SYT16: variants seen among roughly 807,000 people sequenced by gnomAD.
SYT16 encodes the protein synaptotagmin-16.
SYT16 carries 42 observed loss-of-function variants against 61.4 expected under a neutral mutation model. The ratio of observed to expected loss-of-function variants is 0.68; its 90% CI spans 0.53 to 0.89. The LOEUF (loss-of-function observed/expected upper bound fraction) is 0.89, where lower values mean the gene tolerates loss of function less well. Among genes scored for constraint, SYT16 ranks in the 40% least tolerant of loss-of-function variants. The pLI, the probability that SYT16 is intolerant of heterozygous loss-of-function variation, is 0.00. For missense variants in SYT16, 804 were observed against 807.3 expected, an observed-to-expected ratio of 1.00 and a Z score of 0.05; for synonymous variants, 314 against 302.3, an observed-to-expected ratio of 1.04 and a Z score of -0.40.
chr14:62,002,912 A>G (rs2053077271), intron 3 of SYT16, among the ~76,000 whole-genome samples: 1 of 152,120 alleles, frequency 6.6e-6, no homozygotes, highest in African/African-American at 2.4e-5. Flanking sequence ...TATCCTTCAC[A>G]TGACAGCAGC....
chr14:61,971,444 A>T (rs1203284799), intron 2 of SYT16, among the ~76,000 whole-genome samples: 4 of 152,174 alleles, frequency 2.6e-5, no homozygotes, highest in Non-Finnish European at 5.9e-5. Flanking sequence ...AAGGCCTCAG[A>T]TCAGATCCAT....
chr14:62,104,437 C>A lies in SYT16; in HGVS notation c.*3730C>A, dbSNP rs1330828413. 6.6e-6 allele frequency: 1 copy of A among 152,070 alleles called. No individual in the cohort carries two copies. Among genetic ancestry groups the A allele is most frequent in the Non-Finnish European group, 1.5e-5 (1 of 67,992 alleles). 9.4% of individuals were successfully genotyped at this position (152,070 alleles called of 1,614,324 possible). On this transcript the variant is annotated 3_prime_UTR_variant, in exon 8 of 8. Coordinates refer to ENST00000683842, the MANE Select transcript of SYT16 (RefSeq NM_001367656.1). ...CCTGAAATGGTAAAAGTATTTTTGTCTTAAAAATTATTCATTTGGGCAAAG... is the reference window on the plus strand; with the variant it reads ...CCTGAAATGGTAAAAGTATTTTTGTATTAAAAATTATTCATTTGGGCAAAG...
intron 2 of SYT16, among the ~76,000 whole-genome samples, chr14:61,985,704 C>G (rs2052278099): frequency 6.6e-6 from 1 of 152,152 alleles, no homozygotes; most frequent in Non-Finnish European, 1.5e-5. Flanking sequence ...TTTATAAAAA[C>G]TATCCCTAGA....
intron 1 of SYT16, among the ~76,000 whole-genome samples, chr14:61,835,250 ATTTTTTTTT>A (rs11378872): frequency 0.13 from 14,051 of 110,920 alleles, 706 homozygotes; most frequent in Middle Eastern, 0.14. Context: ...TGAAAGGTGA[ATTTTTTTTT>A]TTTTTTTTTT....
intron 3 of SYT16, among the ~76,000 whole-genome samples, chr14:61,998,451 T>C (rs2140640769): frequency 6.6e-6 from 1 of 152,150 alleles, no homozygotes; most frequent in South Asian, 2.1e-4. Flanking sequence ...ACACAGTTTG[T>C]CGTCTTTTGA....
At chr14:62,049,930 G>T (rs1456104663) in intron 3 of SYT16, among the ~76,000 whole-genome samples, 1 of 152,174 alleles carries the variant, frequency 6.6e-6, no homozygotes, top group East Asian at 1.9e-4. Context: ...CAACTTTGGT[G>T]AATCAGACAA....
At chr14:61,910,514 C>T (rs182623440) in intron 1 of SYT16, among the ~76,000 whole-genome samples, 11 of 141,242 alleles carry the variant, frequency 7.8e-5, no homozygotes, top group South Asian at 7.7e-4. Flanking sequence ...ACTGAGCCGC[C>T]GCATCCCGCT....
intron 3 of SYT16, among the ~76,000 whole-genome samples, chr14:62,031,135 G>A (rs1474432293): frequency 6.6e-6 from 1 of 152,176 alleles, no homozygotes; most frequent in Non-Finnish European, 1.5e-5. Context: ...TTGCTTTAAA[G>A]TCTCTTTGAA....
chr14:62,012,297 C>A (rs1390155000), intron 3 of SYT16, among the ~76,000 whole-genome samples: 2 of 152,028 alleles, frequency 1.3e-5, no homozygotes, highest in Non-Finnish European at 1.5e-5. Flanking sequence ...GAATTGATTT[C>A]TTTGTAGTTA....
At position 62,100,994 on chromosome 14, in the gene SYT16, A is replaced by G. The variant is rs1378402915; in HGVS notation, c.*287A>G. ...CCAATAGATCATTGAGTTTTAGTTCAGGGTATGGGGTGAAGCTTCTTCTGC... is the reference window on the plus strand; with the variant it reads ...CCAATAGATCATTGAGTTTTAGTTCGGGGTATGGGGTGAAGCTTCTTCTGC... On this transcript the variant is annotated 3_prime_UTR_variant, in exon 8 of 8. Transcript: ENST00000683842. 6.4e-6 allele frequency: 2 copies of G among 310,774 alleles called. No homozygotes were observed. The highest frequency in any genetic ancestry group is 1.2e-5 in the Non-Finnish European group (2 of 167,670). The allele number at this position is 310,774 out of a possible 1,614,324, so 19.3% of individuals were successfully genotyped here.
chr14:62,022,547 G>A (rs2053950707), intron 3 of SYT16, among the ~76,000 whole-genome samples: 1 of 151,852 alleles, frequency 6.6e-6, no homozygotes, highest in African/African-American at 2.4e-5. Context: ...TCATTTTGGA[G>A]AATTTTTGGC....
At chr14:61,852,084 T>A (rs1406941258) in intron 1 of SYT16, among the ~76,000 whole-genome samples, 1 of 152,240 alleles carries the variant, frequency 6.6e-6, no homozygotes, top group Admixed American at 6.5e-5. Flanking sequence ...TATCTTGAGT[T>A]AATTTTTGTC....
At chr14:62,095,459 A>G (rs568301403) in intron 7 of SYT16, among the ~76,000 whole-genome samples, 1 of 152,118 alleles carries the variant, frequency 6.6e-6, no homozygotes, top group East Asian at 1.9e-4. Flanking sequence ...ATCAGCAACA[A>G]TCAGAAAGTG....
chr14:61,840,810 C>T (rs1205552604), intron 1 of SYT16, among the ~76,000 whole-genome samples: 1 of 151,980 alleles, frequency 6.6e-6, no homozygotes, highest in East Asian at 1.9e-4. Flanking sequence ...TAGGCTATTC[C>T]ATCAATAAAT....
intron 2 of SYT16, among the ~76,000 whole-genome samples, chr14:61,975,400 A>G (rs954851834): frequency 6.6e-5 from 10 of 152,316 alleles, no homozygotes; most frequent in African/African-American, 1.7e-4. Flanking sequence ...TCATACTGCT[A>G]TAAGTAACTG....
intron 3 of SYT16, among the ~76,000 whole-genome samples, chr14:62,065,158 C>T (rs919137833): frequency 1.3e-5 from 2 of 152,206 alleles, no homozygotes; most frequent in African/African-American, 4.8e-5. Flanking sequence ...AGCAGGAGAG[C>T]TCCCTGAACC....
chr14:61,901,109 A>G (rs1039483092), intron 1 of SYT16, among the ~76,000 whole-genome samples: 1 of 152,178 alleles, frequency 6.6e-6, no homozygotes, highest in Non-Finnish European at 1.5e-5. Flanking sequence ...AGGCTTCCTC[A>G]GTGTCTAACT....
At chr14:61,964,795 A>G (rs939143107) in intron 1 of SYT16, among the ~76,000 whole-genome samples, 1 of 152,094 alleles carries the variant, frequency 6.6e-6, no homozygotes, top group African/African-American at 2.4e-5. Context: ...CAGCCACCCC[A>G]ACCTTCAGCA....
chr14:62,078,155 C>CTCTCTCTATATATATATATA (rs766089633), intron 5 of SYT16, among the ~76,000 whole-genome samples: 18 of 136,000 alleles, frequency 1.3e-4, no homozygotes, highest in African/African-American at 5.2e-4. Flanking sequence ...CTCTCTCTCT[C>CTCTCTCTATATATATATATA]TATATATATA....
Sources: gnomAD v4.1 joint callset for allele counts (sites outside exome capture counted in the v4.1 genomes callset) on GRCh38, gnomAD v4.1.1 for gene constraint, MANE v1.5 for transcripts, NCBI Gene and HGNC (gene_info 2026-07-23, HGNC 2026-07-21) for gene names.